The following JAZF1 variants were observed in gnomAD, a reference collection of about 807,000 sequenced individuals.
The protein encoded by JAZF1 is juxtaposed with another zinc finger protein 1.
JAZF1 carries 8 observed loss-of-function variants against 26.4 expected under a neutral mutation model. The observed-to-expected ratio is 0.30, with a 90% CI of 0.18 to 0.55. The LOEUF (loss-of-function observed/expected upper bound fraction) is 0.55. Ranked by LOEUF, JAZF1 falls within the 20% of genes least tolerant of loss-of-function variation. The probability of loss-of-function intolerance (pLI) is 0.94; values close to 1 mark genes in which losing one functional copy is unlikely to be tolerated. For missense variants in JAZF1, 199 were observed against 322.0 expected (o/e 0.62, Z 2.92); for synonymous variants, 126 against 122.3 (o/e 1.03, Z -0.20).
chr7:27,898,592 T>A (rs905061049), intron 2 of JAZF1, among the ~76,000 whole-genome samples: 2 of 151,926 alleles, frequency 1.3e-5, no homozygotes, highest in Non-Finnish European at 2.9e-5. Context: ...AACTCATACC[T>A]CTTGTTGTAA....
chr7:27,917,948 T>C (rs1784470026), intron 2 of JAZF1, among the ~76,000 whole-genome samples: 1 of 152,190 alleles, frequency 6.6e-6, no homozygotes, highest in Non-Finnish European at 1.5e-5. Context: ...ACTTCTTTGT[T>C]CCCCTTGAGG....
At chr7:28,105,650 G>A (rs1237426410) in intron 1 of JAZF1, among the ~76,000 whole-genome samples, 1 of 152,156 alleles carries the variant, frequency 6.6e-6, no homozygotes, top group African/African-American at 2.4e-5. Context: ...GTGGGAAACT[G>A]ACCGATTTAA....
chr7:28,157,908 A>G (rs1783213040), intron 1 of JAZF1, among the ~76,000 whole-genome samples: 1 of 151,918 alleles, frequency 6.6e-6, no homozygotes, highest in African/African-American at 2.4e-5. Flanking sequence ...CCCCGATGTA[A>G]GCTTAAATTC....
chr7:27,890,034 T>C (rs1257340258), intron 3 of JAZF1, among the ~76,000 whole-genome samples: 1 of 152,198 alleles, frequency 6.6e-6, no homozygotes, highest in Non-Finnish European at 1.5e-5. Flanking sequence ...AAGCAGTCCA[T>C]TGCTTGAAAT....
chr7:27,958,949 G>C (rs1785144793), intron 2 of JAZF1, among the ~76,000 whole-genome samples: 1 of 152,214 alleles, frequency 6.6e-6, no homozygotes, highest in South Asian at 2.1e-4. Context: ...AGCAGTACCA[G>C]TAAAGTGCAA....
At chr7:27,833,485 T>TA (rs762042096) in intron 4 of JAZF1, among the ~76,000 whole-genome samples, 4 of 152,244 alleles carry the variant, frequency 2.6e-5, no homozygotes, top group Non-Finnish European at 5.9e-5. Flanking sequence ...TACCATGCCT[T>TA]AACCAGAGTT....
At chr7:27,934,711 C>G (rs1299012309) in intron 2 of JAZF1, among the ~76,000 whole-genome samples, 2 of 151,886 alleles carry the variant, frequency 1.3e-5, no homozygotes, top group East Asian at 1.9e-4. Context: ...AATCACAGAC[C>G]TAAATGTAAA....
At chr7:27,931,605 C>A (rs1307198538) in intron 2 of JAZF1, among the ~76,000 whole-genome samples, 1 of 152,064 alleles carries the variant, frequency 6.6e-6, no homozygotes, top group African/African-American at 2.4e-5. Context: ...ACCTGAGGGT[C>A]AGGAGTTTGA....
chr7:27,855,602 A>T (rs1562766939), intron 3 of JAZF1, among the ~76,000 whole-genome samples: 3 of 152,246 alleles, frequency 2.0e-5, no homozygotes, highest in Admixed American at 6.5e-5. Context: ...TAAATAAACT[A>T]GAAAATCTAG....
At chr7:27,980,466 A>G (rs1192324566) in intron 2 of JAZF1, among the ~76,000 whole-genome samples, 1 of 152,162 alleles carries the variant, frequency 6.6e-6, no homozygotes, top group African/African-American at 2.4e-5. Flanking sequence ...AAAGGCAACA[A>G]TTTTTACTTA....
chr7:27,948,288 C>T (rs1251286821), intron 2 of JAZF1, among the ~76,000 whole-genome samples: 1 of 152,128 alleles, frequency 6.6e-6, no homozygotes, highest in Non-Finnish European at 1.5e-5. Context: ...CCACGGTGCT[C>T]CAGCTTATCA....
intron 3 of JAZF1, among the ~76,000 whole-genome samples, chr7:27,871,254 G>A (rs1221548460): frequency 6.6e-6 from 1 of 152,182 alleles, no homozygotes; most frequent in Non-Finnish European, 1.5e-5. Context: ...AGACATACAG[G>A]TCAACCTTGG....
intron 3 of JAZF1, among the ~76,000 whole-genome samples, chr7:27,850,171 G>C (rs1783117160): frequency 6.6e-6 from 1 of 152,182 alleles, no homozygotes; most frequent in Non-Finnish European, 1.5e-5. Context: ...TTAGCAAAGA[G>C]TTGCCTTTCT....
At chr7:28,045,837 G>T (rs1783487197) in intron 1 of JAZF1, among the ~76,000 whole-genome samples, 1 of 152,152 alleles carries the variant, frequency 6.6e-6, no homozygotes. Flanking sequence ...GCCTCCCAAA[G>T]TGCTGGGATT....
At chr7:28,114,294 GAGAATTC>G (rs1428254836) in intron 1 of JAZF1, among the ~76,000 whole-genome samples, 1 of 152,078 alleles carries the variant, frequency 6.6e-6, no homozygotes, top group Non-Finnish European at 1.5e-5. Flanking sequence ...GGCCAGCCTG[GAGAATTC>G]TGCTCTCTGA....
At chr7:27,981,736 A>G (rs10951189) in intron 2 of JAZF1, among the ~76,000 whole-genome samples, 46,930 of 152,142 alleles carry the variant, frequency 0.31, 8,410 homozygotes, top group East Asian at 0.49. Flanking sequence ...ATAGACGGCT[A>G]TAATAAAATG....
At chr7:28,128,689 G>C (rs4997342) in intron 1 of JAZF1, among the ~76,000 whole-genome samples, 5,060 of 152,218 alleles carry the variant, frequency 0.033, 266 homozygotes, top group African/African-American at 0.11. Context: ...GGTGTGTCTT[G>C]CTGAGTTTAT....
chr7:28,128,474 G>A (rs1365680329), intron 1 of JAZF1, among the ~76,000 whole-genome samples: 1 of 152,088 alleles, frequency 6.6e-6, no homozygotes, highest in Non-Finnish European at 1.5e-5. Flanking sequence ...GTGAGCTGAA[G>A]TTGTGCCACT....
intron 1 of JAZF1, among the ~76,000 whole-genome samples, chr7:28,176,192 G>A (rs963938552): frequency 6.6e-6 from 1 of 152,228 alleles, no homozygotes; most frequent in Non-Finnish European, 1.5e-5. Context: ...CTTGGTCAAT[G>A]AGACTCTGCC....
Sources: gnomAD v4.1 joint callset for allele counts (sites outside exome capture counted in the v4.1 genomes callset) on GRCh38, gnomAD v4.1.1 for gene constraint, MANE v1.5 for transcripts, NCBI Gene and HGNC (gene_info 2026-07-23, HGNC 2026-07-21) for gene names.